The following ANKRD12 variants were observed in gnomAD, a reference collection of about 807,000 sequenced individuals.
ANKRD12 encodes ankyrin repeat domain 12.
ANKRD12 carries 85 observed loss-of-function variants against 183.4 expected under a neutral mutation model. The ratio of observed to expected loss-of-function variants is 0.46; its 90% CI spans 0.39 to 0.56. The LOEUF (loss-of-function observed/expected upper bound fraction) is 0.56, where lower values mean the gene tolerates loss of function less well. Among genes scored for constraint, ANKRD12 ranks in the 20% least tolerant of loss-of-function variants. ANKRD12 has a pLI of 0.00. For synonymous variants in ANKRD12, 914 were observed against 800.2 expected, an observed-to-expected ratio of 1.14 and a Z score of -2.40; for missense variants, 2,405 against 2,357.1, an observed-to-expected ratio of 1.02 and a Z score of -0.42.
At chr18:9,205,920 A>G (rs2035461834) in intron 4 of ANKRD12, among the ~76,000 whole-genome samples, 1 of 152,110 alleles carries the variant, frequency 6.6e-6, no homozygotes, top group Non-Finnish European at 1.5e-5. Flanking sequence ...TCCCTAAGAA[A>G]AACAATTTTG....
intron 1 of ANKRD12, among the ~76,000 whole-genome samples, chr18:9,152,777 T>C (rs185403424): frequency 1.3e-5 from 2 of 152,236 alleles, no homozygotes; most frequent in Admixed American, 1.3e-4. Flanking sequence ...TTAATTTTAA[T>C]GTATATTTTC....
At chr18:9,157,049 A>G (rs1323702933) in intron 1 of ANKRD12, among the ~76,000 whole-genome samples, 2 of 152,242 alleles carry the variant, frequency 1.3e-5, no homozygotes, top group African/African-American at 4.8e-5. Flanking sequence ...GATAGATGGT[A>G]GTGATGATTG....
At chr18:9,170,611 AT>A (rs1326350031) in intron 1 of ANKRD12, among the ~76,000 whole-genome samples, 1 of 150,596 alleles carries the variant, frequency 6.6e-6, no homozygotes, top group Non-Finnish European at 1.5e-5. Context: ...CCATTCGTCA[AT>A]TTTTTTTTCA....
At chr18:9,169,248 G>A (rs1470551225) in intron 1 of ANKRD12, among the ~76,000 whole-genome samples, 3 of 152,168 alleles carry the variant, frequency 2.0e-5, no homozygotes, top group Admixed American at 2.0e-4. Context: ...GTGCAGAGCT[G>A]AGTTCAGTTC....
intron 8 of ANKRD12, among the ~76,000 whole-genome samples, chr18:9,250,599 G>T (rs1012751306): frequency 6.6e-6 from 1 of 152,108 alleles, no homozygotes; most frequent in Admixed American, 6.5e-5. Context: ...CACACCCGTA[G>T]TTCTAGCTAC....
At chr18:9,221,588 GA>G in intron 7 of ANKRD12, among the ~76,000 whole-genome samples, 1 of 152,218 alleles carries the variant, frequency 6.6e-6, no homozygotes, top group Non-Finnish European at 1.5e-5. Context: ...GGAACAGGAT[GA>G]AAAAATGATG....
At chr18:9,222,273 A>T (rs1244620271) in intron 8 of ANKRD12, among the ~76,000 whole-genome samples, 9 of 152,138 alleles carry the variant, frequency 5.9e-5, no homozygotes, top group Non-Finnish European at 1.5e-5. Flanking sequence ...CCTGCTGCAG[A>T]ACCTCTCCCC....
chr18:9,277,422 G>A (rs2039899036), intron 11 of ANKRD12, among the ~76,000 whole-genome samples: 1 of 148,056 alleles, frequency 6.8e-6, no homozygotes, highest in African/African-American at 2.5e-5. Flanking sequence ...CTGCCTCCCT[G>A]GTTCATGCCA....
intron 8 of ANKRD12, among the ~76,000 whole-genome samples, chr18:9,232,850 T>TTGC (rs151018551): frequency 2.9e-4 from 2 of 6,978 alleles, no homozygotes; most frequent in African/African-American, 8.0e-4. Flanking sequence ...AGACCTGATT[T>TTGC]TGTTGTTGTT....
At chr18:9,269,866 A>G (rs1208643299) in intron 10 of ANKRD12, among the ~76,000 whole-genome samples, 1 of 152,220 alleles carries the variant, frequency 6.6e-6, no homozygotes, top group Non-Finnish European at 1.5e-5. Flanking sequence ...TTTGCAATCT[A>G]CTTATCTAAC....
chr18:9,285,082 G>T lies in ANKRD12; in HGVS notation c.*3956G>T, dbSNP rs962095605. 1 of 152,270 alleles carries T rather than the reference G, an allele frequency of 6.6e-6. No individual in the cohort carries two copies. Among genetic ancestry groups the T allele is most frequent in the Non-Finnish European group, 1.5e-5 (1 of 68,196 alleles). The allele number at this position is 152,270 out of a possible 1,614,324, so 9.4% of individuals were successfully genotyped here. A position where few individuals can be genotyped will look rare whatever the true frequency, so the allele number is the denominator to read the frequency against. ...AAATCAGCCGGGTGTGGCCGCGGGC[G>T]CCTGTAGTTCCAGCTACTCGGGAGG... On this transcript the variant is annotated 3_prime_UTR_variant, in exon 13 of 13. Coordinates refer to ENST00000262126, the MANE Select transcript of ANKRD12 (RefSeq NM_015208.5).
At chr18:9,272,616 G>A (rs1233754354) in intron 10 of ANKRD12, among the ~76,000 whole-genome samples, 1 of 152,006 alleles carries the variant, frequency 6.6e-6, no homozygotes, top group Non-Finnish European at 1.5e-5. Context: ...TGCTTTTGAG[G>A]GATTTTTGGT....
intron 10 of ANKRD12, among the ~76,000 whole-genome samples, chr18:9,266,533 G>A (rs1328896164): frequency 1.3e-5 from 2 of 152,104 alleles, no homozygotes; most frequent in Non-Finnish European, 2.9e-5. Flanking sequence ...ATAAGTGAAG[G>A]AGAAATAAAA....
intron 4 of ANKRD12, among the ~76,000 whole-genome samples, chr18:9,205,094 A>ATT (rs1169411019): frequency 6.6e-6 from 1 of 152,208 alleles, no homozygotes; most frequent in African/African-American, 2.4e-5. Flanking sequence ...GAGAAATGCC[A>ATT]TTACCACTGT....
intron 1 of ANKRD12, among the ~76,000 whole-genome samples, chr18:9,169,299 A>G (rs1007917877): frequency 6.6e-6 from 1 of 152,024 alleles, no homozygotes; most frequent in Non-Finnish European, 1.5e-5. Context: ...TGATCTGTCT[A>G]ATGTTGAAAG....
intron 2 of ANKRD12, among the ~76,000 whole-genome samples, chr18:9,191,029 C>T (rs996307629): frequency 6.6e-6 from 1 of 152,014 alleles, no homozygotes; most frequent in Non-Finnish European, 1.5e-5. Context: ...ACTTCTTTTA[C>T]CATTTTTTCT....
At position 9,256,455 on chromosome 18, in the gene ANKRD12, C is replaced by A. The variant is rs1162850011; in HGVS notation, c.3188C>A (p.Thr1063Asn). The A allele has an allele frequency of 1.9e-6, 3 of 1,613,318 alleles. No individual in the cohort carries two copies. The highest frequency in any genetic ancestry group is 2.5e-6 in the Non-Finnish European group (3 of 1,179,820). The change falls in exon 9 of 13, where the codon ACC becomes AAC. Residue 1063 changes from threonine to asparagine, a missense_variant. Around this residue, in one of 7 missense-constraint regions of ANKRD12, gnomAD observed 1,983 missense variants for 1,725.9 expected, o/e 1.15. Transcript: ENST00000262126. ...KPKSSPASKD[T>N]RPKEKRLVND... ...AAGTCATCACCAGCATCAAAAGATA[C>A]CCGACCTAAAGAAAAGAGGTTAGTG...
intron 3 of ANKRD12, among the ~76,000 whole-genome samples, chr18:9,197,357 C>T (rs1427234380): frequency 6.6e-6 from 1 of 152,148 alleles, no homozygotes; most frequent in African/African-American, 2.4e-5. Flanking sequence ...ACTTATTCTT[C>T]CTTTTGAAAA....
intron 1 of ANKRD12, among the ~76,000 whole-genome samples, chr18:9,158,877 C>G (rs555696583): frequency 6.6e-6 from 1 of 152,324 alleles, no homozygotes; most frequent in East Asian, 1.9e-4. Flanking sequence ...CATTTATTCA[C>G]TTTACTAATC....
Sources: allele counts gnomAD v4.1 joint callset (sites outside exome capture counted in the v4.1 genomes callset), GRCh38; gene constraint gnomAD v4.1.1; regional missense constraint gnomAD v4.1.1; transcripts MANE v1.5; gene names NCBI Gene and HGNC (gene_info 2026-07-23, HGNC 2026-07-21).